FAM13B: variants seen among roughly 807,000 people sequenced by gnomAD.
FAM13B encodes the protein family with sequence similarity 13 member B.
In FAM13B, 60 loss-of-function variants were observed where a neutral mutation model predicts 117.3. The observed-to-expected ratio is 0.51, with a 90% CI of 0.42 to 0.63. FAM13B has a LOEUF of 0.63. FAM13B is among the 30% of genes least tolerant of loss of function. The pLI, the probability that FAM13B is intolerant of heterozygous loss-of-function variation, is 0.00. For missense variants in FAM13B, 972 were observed against 1,091.9 expected (o/e 0.89, Z 1.55); for synonymous variants, 332 against 356.1 (o/e 0.93, Z 0.76).
At position 137,988,374 on chromosome 5, in the gene FAM13B, G is replaced by A. The variant is rs1030680238; in HGVS notation, c.849-59C>T. The A allele has an allele frequency of 9.7e-5, 136 of 1,405,388 alleles. 1 individual carries two copies. The highest frequency in any genetic ancestry group is 7.2e-4 in the Middle Eastern group (4 of 5,564). 87.1% of individuals were successfully genotyped at this position (1,405,388 alleles called of 1,614,324 possible). A position where few individuals can be genotyped will look rare whatever the true frequency, so the allele number is the denominator to read the frequency against. On this transcript the variant is annotated intron_variant, in intron 7 of 23. Transcript: ENST00000689681. ...GTTCAATACTTAATAACTACAAAAT[G>A]TGCTGAAATCTGCCATATTTGCACT...
At chr5:138,026,435 G>A (rs1384085155) in intron 1 of FAM13B, among the ~76,000 whole-genome samples, 1 of 151,808 alleles carries the variant, frequency 6.6e-6, no homozygotes, top group African/African-American at 2.4e-5. Context: ...AGACCAGCCT[G>A]GGCAACATGG....
At chr5:137,943,299 T>C in intron 20 of FAM13B, 83 bp from the exon 21 acceptor site, 1 of 1,056,608 alleles carries the variant, frequency 9.5e-7, no homozygotes, top group South Asian at 1.5e-5. Flanking sequence ...ATGTTACGAA[T>C]CTTCAACTTT....
In FAM13B at chr5:137,938,224, A is replaced by C. The variant is rs1192387774; in HGVS notation, c.*2001T>G. Reference sequence around the variant, plus strand: ...CACAGCCAAACATTAACATTGAATAACATATTGAAGCAGCTGTTAATTCTA... The same window carrying C: ...CACAGCCAAACATTAACATTGAATACCATATTGAAGCAGCTGTTAATTCTA... On this transcript the variant is annotated 3_prime_UTR_variant, in exon 24 of 24. Transcript: ENST00000689681. 3 of 152,648 alleles carry C rather than the reference A, an allele frequency of 2.0e-5. No homozygotes were observed. Among genetic ancestry groups the C allele is most frequent in the African/African-American group, 7.2e-5 (3 of 41,450 alleles). The allele number at this position is 152,648 out of a possible 1,614,324, so 9.5% of individuals were successfully genotyped here.
At chr5:138,015,674 G>T (rs1267525850) in intron 4 of FAM13B, among the ~76,000 whole-genome samples, 2 of 152,218 alleles carry the variant, frequency 1.3e-5, no homozygotes, top group Non-Finnish European at 2.9e-5. Flanking sequence ...CTGCACTCCA[G>T]CCTGGGTGAC....
chr5:137,953,515 T>C, intron 15 of FAM13B, 50 bp from the exon 16 acceptor site: 1 of 1,589,350 alleles, frequency 6.3e-7, no homozygotes, highest in East Asian at 2.2e-5. Context: ...GTACCAACAC[T>C]GTATCTCTTA....
intron 6 of FAM13B, among the ~76,000 whole-genome samples, chr5:138,007,575 CA>C (rs985260247): frequency 4.0e-5 from 6 of 151,496 alleles, no homozygotes; most frequent in Admixed American, 1.3e-4. Flanking sequence ...AAAAGAAGCG[CA>C]AAAAAAATGT....
intron 10 of FAM13B, among the ~76,000 whole-genome samples, chr5:137,970,789 A>G (rs1387744371): frequency 1.3e-5 from 2 of 152,134 alleles, no homozygotes; most frequent in African/African-American, 2.4e-5. Flanking sequence ...ATGGAAAACA[A>G]AAAAAGGCAG....
At chr5:137,969,844 G>A (rs888644688) in intron 10 of FAM13B, among the ~76,000 whole-genome samples, 3 of 152,182 alleles carry the variant, frequency 2.0e-5, no homozygotes, top group African/African-American at 7.2e-5. Flanking sequence ...GCAATCAACT[G>A]GAAGAAGGGG....
At chr5:138,002,151 A>G (rs1047548057) in intron 7 of FAM13B, among the ~76,000 whole-genome samples, 1 of 152,258 alleles carries the variant, frequency 6.6e-6, no homozygotes, top group Non-Finnish European at 1.5e-5. Context: ...TAATGAAATC[A>G]GCTAGACTCA....
chr5:138,015,046 A>G lies in FAM13B; in HGVS notation c.371-3101T>C, dbSNP rs142589979. ...TGTTTTCTATCAAAACACAATGTAT[A>G]AGCAGTTGGACTAACCATTATGGTC... On this transcript the variant is annotated intron_variant, in intron 4 of 23. Transcript: ENST00000689681. Among the ~76,000 whole-genome samples, 91 of 152,244 alleles carry G rather than the reference A, an allele frequency of 6.0e-4. 1 individual carries two copies. Among genetic ancestry groups the G allele is most frequent in the Admixed American group, 3.5e-3 (53 of 15,282 alleles).
chr5:137,944,440 C>T (rs1412259766), intron 20 of FAM13B, among the ~76,000 whole-genome samples: 2 of 152,098 alleles, frequency 1.3e-5, no homozygotes, highest in East Asian at 3.9e-4. Flanking sequence ...AAATGTGGTA[C>T]ATATACGCCA....
intron 1 of FAM13B, chr5:138,039,942 G>T (rs1380292789): frequency 5.3e-5 from 8 of 152,224 alleles, no homozygotes; most frequent in Admixed American, 3.3e-4. Flanking sequence ...AAACATGAAG[G>T]TGTACATCCC....
intron 7 of FAM13B, among the ~76,000 whole-genome samples, chr5:137,990,252 A>ATT (rs147587323): frequency 0.017 from 2,599 of 152,300 alleles, 40 homozygotes; most frequent in Non-Finnish European, 0.028. Flanking sequence ...TATTCATTTT[A>ATT]TTTTTAATAT....
At chr5:137,954,538 G>GTA (rs1554116778) in intron 14 of FAM13B, 162 bp from the exon 15 acceptor site, 6 of 81,302 alleles carry the variant, frequency 7.4e-5, no homozygotes, top group South Asian at 2.3e-4. Context: ...ATGTGTGTGT[G>GTA]TATATATATA....
At chr5:138,006,119 G>C (rs1409582162) in intron 7 of FAM13B, among the ~76,000 whole-genome samples, 1 of 151,906 alleles carries the variant, frequency 6.6e-6, no homozygotes, top group African/African-American at 2.4e-5. Context: ...GGATGGTCTC[G>C]ATCTCCTGAC....
intron 1 of FAM13B, among the ~76,000 whole-genome samples, chr5:138,021,692 T>C (rs1307160244): frequency 1.3e-5 from 2 of 152,216 alleles, no homozygotes; most frequent in African/African-American, 4.8e-5. Context: ...CGATAGCATA[T>C]GTTGGAAAAG....
chr5:138,017,496 A>G (rs543503714), intron 4 of FAM13B, among the ~76,000 whole-genome samples: 1 of 152,354 alleles, frequency 6.6e-6, no homozygotes, highest in South Asian at 2.1e-4. Flanking sequence ...AATGAACTCC[A>G]TAATACCAAA....
intron 1 of FAM13B, among the ~76,000 whole-genome samples, chr5:138,046,650 C>T (rs1215413777): frequency 6.6e-6 from 1 of 152,198 alleles, no homozygotes; most frequent in Non-Finnish European, 1.5e-5. Context: ...TTGATAAATG[C>T]TGAATTAATG....
intron 1 of FAM13B, among the ~76,000 whole-genome samples, chr5:138,026,487 C>T (rs1479363307): frequency 6.6e-6 from 1 of 150,896 alleles, no homozygotes; most frequent in East Asian, 2.0e-4. Flanking sequence ...ATTAGCTGGG[C>T]ATGATGTCAT....
Sources: allele counts gnomAD v4.1 joint callset (sites outside exome capture counted in the v4.1 genomes callset), GRCh38; gene constraint gnomAD v4.1.1; transcripts MANE v1.5; gene names NCBI Gene and HGNC (gene_info 2026-07-23, HGNC 2026-07-21).